DLAT: variants seen among roughly 807,000 people sequenced by gnomAD.
The protein encoded by DLAT is dihydrolipoyllysine-residue acetyltransferase component of pyruvate dehydrogenase complex, mitochondrial.
In DLAT, 43 loss-of-function variants were observed where a neutral mutation model predicts 68.0. That is an observed-to-expected ratio of 0.63 (90% CI 0.50 to 0.81). The LOEUF (loss-of-function observed/expected upper bound fraction) is 0.81. DLAT is among the 40% of genes least tolerant of loss of function. The pLI is 0.00. For synonymous variants in DLAT, 265 were observed against 288.6 expected, an observed-to-expected ratio of 0.92 and a Z score of 0.83; for missense variants, 745 against 815.4, an observed-to-expected ratio of 0.91 and a Z score of 1.05.
At chr11:112,046,032 A>G in intron 10 of DLAT, 62 bp downstream of exon 10, 2 of 944,180 alleles carry the variant, frequency 2.1e-6, no homozygotes, top group Non-Finnish European at 3.4e-6. Flanking sequence ...CCCACCAAAC[A>G]TTTATATTTT....
intron 3 of DLAT, 69 bp from the exon 4 acceptor site, chr11:112,028,721 CTA>C: frequency 6.2e-7 from 1 of 1,613,856 alleles, no homozygotes; most frequent in South Asian, 1.1e-5. Flanking sequence ...GAGTTAAAGA[CTA>C]TTTTTTAAGA....
Position 112,051,221 on chromosome 11 carries a change from C to T in DLAT, c.1399-13C>T, listed in dbSNP as rs374698306. On this transcript the variant is annotated splice_polypyrimidine_tract_variant and intron_variant, in intron 10 of 13. Transcript: ENST00000280346. This position sits in a 1 kb window ranked among gnomAD's most constrained non-coding sequence, Gnocchi z 4.3. ...TAAAAAAGAAGAAACTACAGTTCTTCTTGTCTTTCCAGATATTAGAAGGGA... is the reference window on the plus strand; with the variant it reads ...TAAAAAAGAAGAAACTACAGTTCTTTTTGTCTTTCCAGATATTAGAAGGGA... The T allele has an allele frequency of 2.5e-4, 390 of 1,537,864 alleles. No individual in the cohort carries two copies. Among genetic ancestry groups the T allele is most frequent in the Non-Finnish European group, 3.4e-4 (378 of 1,115,898 alleles).
intron 2 of DLAT, among the ~76,000 whole-genome samples, chr11:112,027,024 G>T (rs1445979249): frequency 6.6e-6 from 1 of 151,746 alleles, no homozygotes; most frequent in Non-Finnish European, 1.5e-5. Flanking sequence ...AGACGGGGCG[G>T]CTGGCCTGGC....
chr11:112,032,848 T>C (rs1862486978), intron 4 of DLAT, among the ~76,000 whole-genome samples: 1 of 152,190 alleles, frequency 6.6e-6, no homozygotes, highest in Non-Finnish European at 1.5e-5. Flanking sequence ...GGCGGATTAC[T>C]TGTGGATGGG....
chr11:112,027,804 G>A (rs1451311286), intron 2 of DLAT, among the ~76,000 whole-genome samples: 2 of 152,236 alleles, frequency 1.3e-5, no homozygotes, highest in Non-Finnish European at 2.9e-5. Flanking sequence ...GCAGGCTGAG[G>A]CAGGAGAATC....
At chr11:112,040,845 A>G (rs1216719058) in intron 7 of DLAT, among the ~76,000 whole-genome samples, 2 of 152,102 alleles carry the variant, frequency 1.3e-5, no homozygotes, top group Non-Finnish European at 2.9e-5. Context: ...AGGACCATTT[A>G]TTAGATATTC....
intron 13 of DLAT, 113 bp downstream of exon 13, chr11:112,061,287 A>G: frequency 9.1e-7 from 1 of 1,099,528 alleles, no homozygotes. Context: ...ATCGTGATCC[A>G]CAATGCTCAA....
chr11:112,045,905 C>T lies in DLAT; in HGVS notation c.1333C>T (p.His445Tyr), dbSNP rs1555181430. Residue 445 changes from histidine (H) to tyrosine (Y), a missense_variant, in exon 10 of 14, where the codon CAT becomes TAT. Physicochemically the swap from His to Tyr is moderately conservative, Grantham distance 83. Coordinates refer to ENST00000280346, the MANE Select transcript of DLAT (RefSeq NM_001931.5). ...RLMQSKQTIP[H>Y]YYLSIDVNMG... is the part of the protein sequence containing the mutation. ...AATGCAATCAAAGCAAACCATACCT[C>T]ATTATTACCTTTCTATCGATGTAAA... The T allele has an allele frequency of 6.2e-7, 1 of 1,612,246 alleles. No homozygotes were observed. The highest frequency in any genetic ancestry group is 8.5e-7 in the Non-Finnish European group (1 of 1,178,550).
At chr11:112,062,012 G>A (rs1395634154) in intron 13 of DLAT, among the ~76,000 whole-genome samples, 1 of 152,136 alleles carries the variant, frequency 6.6e-6, no homozygotes, top group Non-Finnish European at 1.5e-5. Context: ...TATTTGAGGT[G>A]GAAAGCCTTA....
At chr11:112,060,440 A>G (rs1555183094) in intron 12 of DLAT, among the ~76,000 whole-genome samples, 2 of 151,682 alleles carry the variant, frequency 1.3e-5, no homozygotes, top group East Asian at 2.0e-4. Flanking sequence ...GATTACAGGC[A>G]TGAGCCACCA....
intron 2 of DLAT, among the ~76,000 whole-genome samples, chr11:112,026,750 A>G (rs1419718374): frequency 3.3e-5 from 5 of 152,272 alleles, no homozygotes; most frequent in African/African-American, 4.8e-5. Context: ...CGATTTCTCA[A>G]TCTTTTCCCC....
Position 112,028,526 on chromosome 11 carries a change from T to G in DLAT, c.393T>G (p.Asp131Glu). 1 of 1,613,482 alleles carries G rather than the reference T, an allele frequency of 6.2e-7. No homozygotes were observed. The change falls in exon 3 of 14, where the codon GAT (aspartate) becomes GAG (glutamate). Residue 131 changes from aspartate to glutamate, a missense_variant. Asp to Glu is a conservative substitution (Grantham distance 45, BLOSUM62 2). Transcript: ENST00000280346. ...TTTTGTGTTAAAAGGTTGAAACTGA[T>G]AAAGCCACTGTTGGATTTGAGAGCC... The part of the protein sequence containing the change: ...EGDLIAEVET[D>E]KATVGFESLE...
intron 7 of DLAT, among the ~76,000 whole-genome samples, chr11:112,040,932 AAAAG>A (rs587706158): frequency 2.2e-4 from 33 of 152,174 alleles, no homozygotes; most frequent in African/African-American, 6.0e-4. Context: ...TTAAAAAAAA[AAAAG>A]AAAGAAAGAA....
chr11:112,056,794 G>A (rs1864118673), intron 11 of DLAT, among the ~76,000 whole-genome samples: 1 of 152,182 alleles, frequency 6.6e-6, no homozygotes, highest in African/African-American at 2.4e-5. Context: ...CCCACCAATA[G>A]TGGATAAGTG....
intron 4 of DLAT, among the ~76,000 whole-genome samples, chr11:112,031,747 T>A (rs2137717852): frequency 6.6e-6 from 1 of 151,096 alleles, no homozygotes; most frequent in South Asian, 2.1e-4. Context: ...CTAATTTTTT[T>A]TTTTTTTTTT....
intron 2 of DLAT, among the ~76,000 whole-genome samples, 174 bp downstream of exon 2, chr11:112,026,473 C>T (rs1276693943): frequency 6.6e-6 from 1 of 152,044 alleles, no homozygotes; most frequent in Non-Finnish European, 1.5e-5. Context: ...ATCCTGCGGC[C>T]TTCCGCAGTG....
chr11:112,045,827 CAAGAT>C (rs782385256), intron 9 of DLAT, 31 bp from the exon 10 acceptor site: 1 of 1,377,950 alleles, frequency 7.3e-7, no homozygotes, highest in South Asian at 1.2e-5. Context: ...GGTCTTAACT[CAAGAT>C]AATTGATTTT....
intron 2 of DLAT, among the ~76,000 whole-genome samples, chr11:112,026,969 G>A (rs1201403722): frequency 2.7e-4 from 41 of 150,874 alleles, no homozygotes; most frequent in African/African-American, 8.9e-4. Flanking sequence ...CCTCCCGGAC[G>A]GGGCGGCTGG....
chr11:112,026,094 A>G (rs1861982630), intron 1 of DLAT, 104 bp from the exon 2 acceptor site: 4 of 949,322 alleles, frequency 4.2e-6, no homozygotes, highest in Non-Finnish European at 5.0e-6. Context: ...TGTGCAATGG[A>G]ACTGTATACA....
Sources: allele counts gnomAD v4.1 joint callset (sites outside exome capture counted in the v4.1 genomes callset), GRCh38; gene constraint gnomAD v4.1.1; non-coding constraint Gnocchi (gnomAD v3.1); transcripts MANE v1.5; gene names NCBI Gene and HGNC (gene_info 2026-07-23, HGNC 2026-07-21).